CDHR2: variants seen among roughly 807,000 people sequenced by gnomAD.
CDHR2 encodes the protein cadherin-related family member 2.
Under a neutral mutation model 138.6 loss-of-function variants are expected in CDHR2, and 104 were observed. That is an observed-to-expected ratio of 0.75 (90% CI 0.64 to 0.88). CDHR2 has a LOEUF of 0.88. CDHR2 is among the 40% of genes least tolerant of loss of function. CDHR2 has a pLI of 0.00. For synonymous variants in CDHR2, 755 were observed against 742.8 expected, an observed-to-expected ratio of 1.02 and a Z score of -0.27; for missense variants, 1,624 against 1,727.6, an observed-to-expected ratio of 0.94 and a Z score of 1.06.
At chr5:176,578,813 G>C (rs1758464881) in intron 16 of CDHR2, among the ~76,000 whole-genome samples, 1 of 152,134 alleles carries the variant, frequency 6.6e-6, no homozygotes. Context: ...CTTGTGTGAG[G>C]AGCTCAGCAC....
chr5:176,562,304 G>A (rs1039231662), intron 1 of CDHR2, among the ~76,000 whole-genome samples: 1 of 152,016 alleles, frequency 6.6e-6, no homozygotes, highest in African/African-American at 2.4e-5. Context: ...CAGGGAGGGC[G>A]GCCAGTATGG....
In CDHR2 at chr5:176,553,297, G is replaced by A. The variant is rs73343184; in HGVS notation, c.-16+3883G>A. Among the ~76,000 whole-genome samples, 212 of 152,314 alleles carry A rather than the reference G, an allele frequency of 1.4e-3. No individual in the cohort carries two copies. The highest frequency in any genetic ancestry group is 4.7e-3 in the African/African-American group (196 of 41,568). On this transcript the variant is annotated intron_variant, in intron 1 of 31. Coordinates refer to ENST00000261944, the MANE Select transcript of CDHR2 (RefSeq NM_017675.6). This position sits in a 1 kb window ranked among gnomAD's most constrained non-coding sequence, Gnocchi z 4.3. ...GGTTCTGCCCATTACTGGCTGGGCCGCGCCCTTTCCCCTCTTGGACGTCAG... is the reference window on the plus strand; with the variant it reads ...GGTTCTGCCCATTACTGGCTGGGCCACGCCCTTTCCCCTCTTGGACGTCAG...
chr5:176,544,116 A>G (rs1757525948), intron 1 of CDHR2, among the ~76,000 whole-genome samples: 1 of 152,236 alleles, frequency 6.6e-6, no homozygotes, highest in Non-Finnish European at 1.5e-5. Flanking sequence ...CTGCACAACC[A>G]GGTCGTCTGC....
chr5:176,577,863 A>AGT, intron 14 of CDHR2, 65 bp downstream of exon 14: 9 of 1,474,958 alleles, frequency 6.1e-6, no homozygotes, highest in South Asian at 1.2e-5. Flanking sequence ...TGTGAGTGTG[A>AGT]GAGTGTGTGT....
intron 1 of CDHR2, among the ~76,000 whole-genome samples, chr5:176,551,101 C>G (rs979051216): frequency 6.6e-6 from 1 of 152,080 alleles, no homozygotes; most frequent in Non-Finnish European, 1.5e-5. Flanking sequence ...CTGTGCCTCC[C>G]TGGTTCAAAC....
chr5:176,545,758 T>G (rs575841131), upstream of CDHR2, among the ~76,000 whole-genome samples: 115 of 152,342 alleles, frequency 7.5e-4, 1 homozygote, highest in South Asian at 0.017. Flanking sequence ...AGTCCCACTC[T>G]GCCTGGCTGC....
intron 17 of CDHR2, among the ~76,000 whole-genome samples, chr5:176,582,804 A>C (rs780501216): frequency 6.6e-6 from 1 of 152,184 alleles, no homozygotes; most frequent in African/African-American, 2.4e-5. Context: ...TGAGGCACAG[A>C]GAGGTTCAGT....
At chr5:176,555,026 GTC>G (rs906097879) in intron 1 of CDHR2, among the ~76,000 whole-genome samples, 6 of 152,168 alleles carry the variant, frequency 3.9e-5, no homozygotes, top group Admixed American at 3.9e-4. Context: ...TCCTCCACGA[GTC>G]TCTTGCTATT....
upstream of CDHR2, among the ~76,000 whole-genome samples, chr5:176,544,357 CT>C (rs1418984432): frequency 3.8e-4 from 47 of 123,844 alleles, no homozygotes; most frequent in East Asian, 7.4e-4. Context: ...TTTTTCTTTT[CT>C]TTTCTTTCTT....
At chr5:176,572,597 C>T (rs1758263955) in intron 6 of CDHR2, among the ~76,000 whole-genome samples, 1 of 152,080 alleles carries the variant, frequency 6.6e-6, no homozygotes, top group South Asian at 2.1e-4. Flanking sequence ...GTGGGCCTTC[C>T]CCGCAGCAAG....
rs1369489736 is a variant in CDHR2 at position 176,569,004 on chromosome 5, C to A, written c.309C>A (p.Tyr103Ter). Reference sequence around the variant, plus strand: ...TCACCATCTCCGTGAGCGACCCCTACATCCAGGTGAGTTGGGAGGTGCAGG... The same window carrying A: ...TCACCATCTCCGTGAGCGACCCCTAAATCCAGGTGAGTTGGGAGGTGCAGG... The part of the protein sequence containing the change: ...FKVTISVSDP[Y>*]IQVQREMLVI... Residue 103 changes from tyrosine (Y) to a stop codon, truncating the protein, a stop_gained, in exon 5 of 32, where the codon TAC (tyrosine) becomes TAA (stop). Coordinates refer to ENST00000261944, the MANE Select transcript of CDHR2 (RefSeq NM_017675.6). LOFTEE classifies it high-confidence loss of function. 1.2e-6 allele frequency: 2 copies of A among 1,614,022 alleles called. No homozygotes were observed. Among genetic ancestry groups the A allele is most frequent in the Non-Finnish European group, 1.7e-6 (2 of 1,180,018 alleles).
Position 176,553,267 on chromosome 5 carries a change from G to C in CDHR2, c.-16+3853G>C, listed in dbSNP as rs1043747377. ...AGAAAAGAGAGAAGGCACAGGCCTG[G>C]CTTGGGTTCTGCCCATTACTGGCTG... On this transcript the variant is annotated intron_variant, in intron 1 of 31. Transcript: ENST00000261944. The surrounding 1 kb of genome is among the most constrained non-coding windows in gnomAD (Gnocchi z 4.3). 6.6e-6 allele frequency among the ~76,000 whole-genome samples: 1 copy of C among 152,210 alleles called. No individual in the cohort carries two copies. Among genetic ancestry groups the C allele is most frequent in the Non-Finnish European group, 1.5e-5 (1 of 68,034 alleles).
intron 3 of CDHR2, among the ~76,000 whole-genome samples, chr5:176,568,452 G>C (rs937519232): frequency 2.6e-5 from 4 of 152,258 alleles, no homozygotes; most frequent in African/African-American, 9.6e-5. Context: ...GTAGATGCCT[G>C]GGTACAGCCC....
rs1421728673 is a variant in CDHR2 at position 176,581,369 on chromosome 5, C to A, written c.1845C>A (p.Thr615=). ...IQAHDNDEPG[T]NNSRLLFNLL... ...CCCACGACAATGATGAGCCGGGCAC[C>A]AACAACAGCCGTCTGCTCTTCAACC... The change falls in exon 17 of 32, where the codon ACC becomes ACA. Residue 615 remains threonine (T), a synonymous_variant. Coordinates refer to ENST00000261944, the MANE Select transcript of CDHR2 (RefSeq NM_017675.6). 3 of 1,613,882 alleles carry A rather than the reference C, an allele frequency of 1.9e-6. No individual in the cohort carries two copies. The highest frequency in any genetic ancestry group is 3.3e-5 in the Admixed American group (2 of 60,020).
chr5:176,565,635 G>A, intron 2 of CDHR2, 37 bp from the exon 3 acceptor site: 1 of 1,585,770 alleles, frequency 6.3e-7, no homozygotes. Flanking sequence ...GGTTTTGCAG[G>A]GGTGTCCCGA....
chr5:176,589,700 T>C (rs1416785328), intron 24 of CDHR2, 84 bp downstream of exon 24: 6 of 1,173,330 alleles, frequency 5.1e-6, no homozygotes, highest in Non-Finnish European at 7.6e-6. Flanking sequence ...ATGGGATGTC[T>C]CTCAATCCTG....
At chr5:176,574,053 A>T in intron 6 of CDHR2, 30 bp from the exon 7 acceptor site, 1 of 1,561,692 alleles carries the variant, frequency 6.4e-7, no homozygotes, top group East Asian at 2.2e-5. Flanking sequence ...GCTGGATTTG[A>T]GCTCATAGGT....
rs763466864 is a variant in CDHR2, at chr5:176,584,953, C to T, written c.2672C>T (p.Thr891Met). ...AIDYEACDLVTLVVRACDLAT... is the reference protein window; with the variant it reads ...AIDYEACDLVMLVVRACDLAT... ...GACTACGAGGCCTGTGACCTGGTCA[C>T]GCTGGTTGTGCGGGCCTGTGACCTA... is the stretch of plus-strand genomic sequence containing the variant. The change falls in exon 19 of 32, where the codon ACG becomes ATG. Residue 891 changes from threonine to methionine, a missense_variant. Transcript: ENST00000261944. The T allele has an allele frequency of 2.0e-5, 32 of 1,576,320 alleles. No individual in the cohort carries two copies. Among genetic ancestry groups the T allele is most frequent in the Admixed American group, 1.1e-4 (6 of 53,734 alleles).
At chr5:176,581,204 C>A in intron 16 of CDHR2, 139 bp from the exon 17 acceptor site, 1 of 1,119,250 alleles carries the variant, frequency 8.9e-7, no homozygotes, top group Non-Finnish European at 1.2e-6. Flanking sequence ...GAAACTGGGG[C>A]TGGGAGATGG....
Sources: allele counts gnomAD v4.1 joint callset (sites outside exome capture counted in the v4.1 genomes callset), GRCh38; gene constraint gnomAD v4.1.1; non-coding constraint Gnocchi (gnomAD v3.1); transcripts MANE v1.5; gene names NCBI Gene and HGNC (gene_info 2026-07-23, HGNC 2026-07-21).